The following MOXD1 variants were observed in gnomAD, a reference collection of about 807,000 sequenced individuals.
MOXD1 encodes DBH-like monooxygenase protein 1.
A neutral mutation model predicts 66.6 loss-of-function variants in MOXD1; 62 were observed. That is an observed-to-expected ratio of 0.93 (90% CI 0.76 to 1.15). The LOEUF is 1.15. MOXD1 is among the 50% of genes most tolerant of loss of function. MOXD1 has a pLI of 0.00. For missense variants in MOXD1, 847 were observed against 754.6 expected, an observed-to-expected ratio of 1.12 and a Z score of -1.44; for synonymous variants, 303 against 281.9, an observed-to-expected ratio of 1.07 and a Z score of -0.75.
At chr6:132,373,174 A>AAAT (rs1415060956) in intron 2 of MOXD1, among the ~76,000 whole-genome samples, 177 bp from the exon 3 acceptor site, 1 of 152,260 alleles carries the variant, frequency 6.6e-6, no homozygotes, top group Non-Finnish European at 1.5e-5. Flanking sequence ...TAAGTCATTA[A>AAAT]GGATCCAAAT....
At chr6:132,386,703 A>G (rs1234523151) in intron 1 of MOXD1, among the ~76,000 whole-genome samples, 1 of 151,490 alleles carries the variant, frequency 6.6e-6, no homozygotes, top group African/African-American at 2.4e-5. Context: ...CCACCAAAGG[A>G]GAATTTGTCT....
intron 10 of MOXD1, among the ~76,000 whole-genome samples, chr6:132,301,796 T>G (rs1185653126): frequency 6.6e-6 from 1 of 152,088 alleles, no homozygotes; most frequent in Non-Finnish European, 1.5e-5. Flanking sequence ...AAACTCAAAA[T>G]TCGACAAACC....
intron 4 of MOXD1, among the ~76,000 whole-genome samples, chr6:132,359,722 A>G (rs1317407467): frequency 1.3e-5 from 2 of 151,652 alleles, no homozygotes; most frequent in East Asian, 3.9e-4. Flanking sequence ...TCCTGACCTC[A>G]TAATCCGCCC....
At chr6:132,321,741 A>G (rs1775082415) in intron 8 of MOXD1, among the ~76,000 whole-genome samples, 1 of 152,208 alleles carries the variant, frequency 6.6e-6, no homozygotes, top group Non-Finnish European at 1.5e-5. Context: ...CAGAGACATC[A>G]TAATAAAATA....
chr6:132,396,174 G>A (rs541924579), intron 1 of MOXD1, among the ~76,000 whole-genome samples: 11 of 152,120 alleles, frequency 7.2e-5, no homozygotes, highest in South Asian at 4.1e-4. Flanking sequence ...TTAAAAAATC[G>A]AAATCATATC....
At chr6:132,374,948 C>G (rs1776348348) in intron 1 of MOXD1, 171 bp from the exon 2 acceptor site, 2 of 643,410 alleles carry the variant, frequency 3.1e-6, no homozygotes. Context: ...GAAACTAGTC[C>G]ATCTTTGAAC....
chr6:132,319,834 A>C (rs1775038905), intron 9 of MOXD1, among the ~76,000 whole-genome samples: 1 of 152,072 alleles, frequency 6.6e-6, no homozygotes, highest in Non-Finnish European at 1.5e-5. Flanking sequence ...AGGCTTGCTA[A>C]ATGTCTCCCC....
chr6:132,389,002 C>G (rs1441731217), intron 1 of MOXD1, among the ~76,000 whole-genome samples: 3 of 151,186 alleles, frequency 2.0e-5, no homozygotes, highest in African/African-American at 7.3e-5. Context: ...CACACCTCTA[C>G]CCTCAGTTCA....
intron 1 of MOXD1, among the ~76,000 whole-genome samples, chr6:132,382,434 T>C (rs1209195411): frequency 6.6e-6 from 1 of 152,184 alleles, no homozygotes; most frequent in Non-Finnish European, 1.5e-5. Context: ...AGTCATATTC[T>C]AATTCAAACA....
chr6:132,312,409 G>C (rs2114549499), intron 10 of MOXD1, among the ~76,000 whole-genome samples: 1 of 152,102 alleles, frequency 6.6e-6, no homozygotes, highest in South Asian at 2.1e-4. Flanking sequence ...AAGCACCTAA[G>C]CCATTTTTTG....
At chr6:132,361,599 C>A (rs760049209) in intron 4 of MOXD1, among the ~76,000 whole-genome samples, 1 of 152,050 alleles carries the variant, frequency 6.6e-6, no homozygotes, top group Non-Finnish European at 1.5e-5. Context: ...CAGTTATTTT[C>A]AAACAGAGGG....
intron 1 of MOXD1, among the ~76,000 whole-genome samples, chr6:132,398,993 T>C (rs1776961236): frequency 7.1e-6 from 1 of 140,398 alleles, no homozygotes; most frequent in African/African-American, 2.7e-5. Context: ...TTGCTGAAAA[T>C]ACTCTTCTCA....
chr6:132,348,184 G>T (rs1023697173), intron 4 of MOXD1, among the ~76,000 whole-genome samples: 2 of 152,076 alleles, frequency 1.3e-5, no homozygotes, highest in African/African-American at 4.8e-5. Flanking sequence ...TATAGATGTA[G>T]GTTTCTTGAG....
At chr6:132,382,123 T>C (rs1776523991) in intron 1 of MOXD1, among the ~76,000 whole-genome samples, 4 of 152,136 alleles carry the variant, frequency 2.6e-5, no homozygotes, top group Admixed American at 2.0e-4. Context: ...AATTGTATAA[T>C]ATACGTATTT....
At chr6:132,383,209 G>A (rs1181142100) in intron 1 of MOXD1, among the ~76,000 whole-genome samples, 1 of 152,080 alleles carries the variant, frequency 6.6e-6, no homozygotes, top group African/African-American at 2.4e-5. Flanking sequence ...AATATTGATA[G>A]TATAATAATA....
chr6:132,298,442 G>A (rs767822929), intron 10 of MOXD1, among the ~76,000 whole-genome samples: 4 of 152,128 alleles, frequency 2.6e-5, no homozygotes, highest in Non-Finnish European at 5.9e-5. Context: ...AAAGTACAAT[G>A]CTAATGGTGT....
At chr6:132,303,928 A>C (rs1774630224) in intron 10 of MOXD1, among the ~76,000 whole-genome samples, 1 of 140,510 alleles carries the variant, frequency 7.1e-6, no homozygotes. Flanking sequence ...CCCTGGACCA[A>C]TCCAATCCAT....
chr6:132,301,008 C>T (rs1361632164), intron 10 of MOXD1, among the ~76,000 whole-genome samples: 1 of 152,078 alleles, frequency 6.6e-6, no homozygotes, highest in African/African-American at 2.4e-5. Context: ...GAATATTTAT[C>T]CTGAATACTT....
chr6:132,324,717 A>C (rs73546003), intron 6 of MOXD1, among the ~76,000 whole-genome samples: 6,635 of 152,250 alleles, frequency 0.044, 269 homozygotes, highest in African/African-American at 0.096. Context: ...GTCGTTATGA[A>C]ATATTCATTA....
Sources: gnomAD v4.1 joint callset for allele counts (sites outside exome capture counted in the v4.1 genomes callset) on GRCh38, gnomAD v4.1.1 for gene constraint, MANE v1.5 for transcripts, NCBI Gene and HGNC (gene_info 2026-07-23, HGNC 2026-07-21) for gene names.